Variants in PDS5A observed in about 807,000 individuals in gnomAD.
The protein encoded by PDS5A is PDS5 cohesin associated factor A.
Under a neutral mutation model 167.1 loss-of-function variants are expected in PDS5A, and 42 were observed. The ratio of observed to expected loss-of-function variants is 0.25; its 90% confidence interval spans 0.20 to 0.33. PDS5A has a LOEUF of 0.33. Ranked by LOEUF, PDS5A falls within the 10% of genes least tolerant of loss-of-function variation. The pLI, the probability that PDS5A is intolerant of heterozygous loss-of-function variation, is 1.00. For missense variants in PDS5A, 1,033 were observed against 1,605.9 expected (o/e 0.64, Z 6.10); for synonymous variants, 553 against 554.6 (o/e 1.00, Z 0.04).
At chr4:39,833,211 A>G (rs1016139984) in intron 32 of PDS5A, among the ~76,000 whole-genome samples, 30 of 147,762 alleles carry the variant, frequency 2.0e-4, no homozygotes, top group African/African-American at 6.9e-4. Flanking sequence ...AAAAAAAAAA[A>G]AAAAAGAAAA....
At chr4:39,909,422 T>C (rs905161551) in intron 10 of PDS5A, among the ~76,000 whole-genome samples, 4 of 152,162 alleles carry the variant, frequency 2.6e-5, no homozygotes, top group Non-Finnish European at 4.4e-5. Context: ...ACCATGCCCA[T>C]AGTTACATTT....
chr4:39,899,369 G>A (rs977422481), intron 14 of PDS5A, among the ~76,000 whole-genome samples: 3 of 152,014 alleles, frequency 2.0e-5, no homozygotes, highest in Non-Finnish European at 4.4e-5. Context: ...GAATAATTTA[G>A]TTCAAAAGTT....
chr4:39,911,688 C>T (rs568256584), intron 9 of PDS5A, among the ~76,000 whole-genome samples: 17 of 151,918 alleles, frequency 1.1e-4, no homozygotes, highest in African/African-American at 3.9e-4. Flanking sequence ...AAAAATTAGC[C>T]GGGCGCACTG....
chr4:39,891,573 G>A (rs548759389), intron 16 of PDS5A, among the ~76,000 whole-genome samples: 5 of 151,886 alleles, frequency 3.3e-5, no homozygotes, highest in African/African-American at 1.2e-4. Flanking sequence ...GCTTGAACCT[G>A]GGAGGCGGAG....
At chr4:39,840,929 T>C (rs1014123517) in intron 31 of PDS5A, among the ~76,000 whole-genome samples, 2 of 151,966 alleles carry the variant, frequency 1.3e-5, no homozygotes, top group African/African-American at 4.8e-5. Flanking sequence ...TAATATTTTG[T>C]ATTTTTAGTA....
intron 17 of PDS5A, among the ~76,000 whole-genome samples, chr4:39,887,987 C>CA (rs755031816): frequency 6.6e-6 from 1 of 152,150 alleles, no homozygotes; most frequent in Non-Finnish European, 1.5e-5. Flanking sequence ...TGCAGTGGCT[C>CA]ACGCCTGTAA....
intron 2 of PDS5A, among the ~76,000 whole-genome samples, chr4:39,938,320 C>T (rs1023365322): frequency 1.3e-5 from 2 of 151,602 alleles, no homozygotes; most frequent in Admixed American, 6.6e-5. Context: ...TTTGGGAGGC[C>T]GAGGTGGGTG....
At chr4:39,933,263 G>GT (rs1204758167) in intron 2 of PDS5A, 1 of 152,178 alleles carries the variant, frequency 6.6e-6, no homozygotes, top group African/African-American at 2.4e-5. Context: ...GTCTGTTCAT[G>GT]TGTGCTATCA....
intron 21 of PDS5A, among the ~76,000 whole-genome samples, chr4:39,871,139 G>A (rs746608521): frequency 6.6e-6 from 1 of 152,186 alleles, no homozygotes; most frequent in African/African-American, 2.4e-5. Context: ...GAGGGCAATG[G>A]AGAGTTGTTG....
chr4:39,907,828 C>T (rs563787351), intron 11 of PDS5A, among the ~76,000 whole-genome samples: 104 of 152,156 alleles, frequency 6.8e-4, no homozygotes, highest in Non-Finnish European at 1.2e-3. Context: ...CCTCGTGATC[C>T]GCCCGCCTCG....
chr4:39,891,254 A>G (rs1017863588), intron 16 of PDS5A, among the ~76,000 whole-genome samples: 8 of 148,300 alleles, frequency 5.4e-5, no homozygotes, highest in Non-Finnish European at 7.4e-5. Context: ...GCTGGTCTCG[A>G]ACTCCCGAAC....
At chr4:39,852,264 T>C (rs1260981872) in intron 26 of PDS5A, among the ~76,000 whole-genome samples, 2 of 152,110 alleles carry the variant, frequency 1.3e-5, no homozygotes, top group Non-Finnish European at 2.9e-5. Flanking sequence ...CAATATATAA[T>C]AGATATTAAA....
In PDS5A at chr4:39,844,742, T is replaced by C. The variant is rs1717429969; in HGVS notation, c.3462A>G (p.Lys1154=). The change falls in exon 30 of 33, where the codon AAA becomes AAG. Residue 1154 remains lysine, a synonymous_variant. Transcript: ENST00000303538. ...CAGTGCCAGTGCTTCTAACATAGGG[T>C]TTCCTTCCCGTTGCTGATAAAGGCT... ...VNKPLSATGR[K]PYVRSTGTET... is the part of the protein sequence containing the mutation. The C allele has an allele frequency of 3.1e-6, 5 of 1,613,470 alleles. No individual in the cohort carries two copies. The highest frequency in any genetic ancestry group is 1.3e-5 in the African/African-American group (1 of 74,862).
chr4:39,915,625 GC>G (rs1724304573), intron 8 of PDS5A, among the ~76,000 whole-genome samples: 1 of 152,032 alleles, frequency 6.6e-6, no homozygotes, highest in African/African-American at 2.4e-5. Context: ...CTCCCAAAGT[GC>G]TGGGATTACA....
At chr4:39,967,548 G>A (rs1730095575) in intron 2 of PDS5A, among the ~76,000 whole-genome samples, 1 of 151,986 alleles carries the variant, frequency 6.6e-6, no homozygotes, top group African/African-American at 2.4e-5. Flanking sequence ...TCAGGAGGCT[G>A]AGGCAGGCGA....
intron 7 of PDS5A, among the ~76,000 whole-genome samples, chr4:39,918,497 T>A (rs753699899): frequency 2.0e-5 from 3 of 152,130 alleles, no homozygotes; most frequent in Non-Finnish European, 2.9e-5. Context: ...TGTATGCAAC[T>A]GATACAAGCA....
chr4:39,907,526 C>T (rs1057170642), intron 11 of PDS5A, among the ~76,000 whole-genome samples: 6 of 151,994 alleles, frequency 3.9e-5, no homozygotes, highest in African/African-American at 9.7e-5. Context: ...TTACACCTGA[C>T]GCTATTCATT....
At chr4:39,867,779 A>ACACACACC (rs1719680614) in intron 22 of PDS5A, among the ~76,000 whole-genome samples, 1 of 136,590 alleles carries the variant, frequency 7.3e-6, no homozygotes, top group Non-Finnish European at 1.6e-5. Flanking sequence ...CACACACCCC[A>ACACACACC]CAACTGTACT....
chr4:39,895,884 A>AT (rs565936850), intron 16 of PDS5A, among the ~76,000 whole-genome samples: 154 of 143,700 alleles, frequency 1.1e-3, no homozygotes, highest in East Asian at 2.2e-3. Flanking sequence ...TGCTCAGCTA[A>AT]TTTTTTTTTT....
Sources: gnomAD v4.1 joint callset for allele counts (sites outside exome capture counted in the v4.1 genomes callset) on GRCh38, gnomAD v4.1.1 for gene constraint, MANE v1.5 for transcripts, NCBI Gene and HGNC (gene_info 2026-07-23, HGNC 2026-07-21) for gene names.